The following ACACA variants were observed in gnomAD, a reference collection of about 807,000 sequenced individuals.
ACACA encodes acetyl-CoA carboxylase 1.
Under a neutral mutation model 296.1 loss-of-function variants are expected in ACACA, and 103 were observed. The ratio of observed to expected loss-of-function variants is 0.35; its 90% confidence interval spans 0.30 to 0.41. The LOEUF (loss-of-function observed/expected upper bound fraction) is 0.41, where lower values mean the gene tolerates loss of function less well. Ranked by LOEUF, ACACA falls within the 10% of genes least tolerant of loss-of-function variation. The pLI is 1.00. For synonymous variants in ACACA, 953 were observed against 1,038.6 expected, an observed-to-expected ratio of 0.92 and a Z score of 1.58; for missense variants, 1,554 against 2,989.7, an observed-to-expected ratio of 0.52 and a Z score of 11.20.
intron 54 of ACACA, 26 bp from the exon 55 acceptor site, chr17:37,089,100 ACACCAGGGGTCAGG>A (rs1320091792): frequency 6.2e-7 from 1 of 1,614,118 alleles, no homozygotes. Flanking sequence ...TCTTGGTCAA[ACACCAGGGGTCAGG>A]CCAGGCCGGG....
At chr17:37,214,510 G>T (rs948599382) in intron 29 of ACACA, among the ~76,000 whole-genome samples, 3 of 152,128 alleles carry the variant, frequency 2.0e-5, no homozygotes, top group Non-Finnish European at 2.9e-5. Flanking sequence ...ACAAAACTAC[G>T]GGGATTTACA....
At chr17:37,344,625 G>T (rs2048533724) in intron 1 of ACACA, among the ~76,000 whole-genome samples, 1 of 151,994 alleles carries the variant, frequency 6.6e-6, no homozygotes, top group South Asian at 2.1e-4. Flanking sequence ...GACCAAAAAA[G>T]AAATTAAAAA....
intron 45 of ACACA, among the ~76,000 whole-genome samples, chr17:37,137,848 T>C (rs1467566023): frequency 6.6e-6 from 1 of 152,220 alleles, no homozygotes; most frequent in African/African-American, 2.4e-5. Flanking sequence ...GCTTTATCTA[T>C]TGAGAAAGGC....
At chr17:37,164,134 T>C (rs993948335) in intron 41 of ACACA, among the ~76,000 whole-genome samples, 1 of 140,984 alleles carries the variant, frequency 7.1e-6, no homozygotes, top group African/African-American at 2.6e-5. Flanking sequence ...CAGATGAGCT[T>C]CCCTGGTCCT....
chr17:37,236,017 AATATTCTCAAGGGTCAGAATTTT>A (rs2080094961), intron 24 of ACACA, among the ~76,000 whole-genome samples: 2 of 152,212 alleles, frequency 1.3e-5, no homozygotes, highest in African/African-American at 4.8e-5. Context: ...TTAGTGTTTG[AATATTCTCAAGGGTCAGAATTTT>A]ATGAAATCAT....
chr17:37,129,341 T>C (rs746473173), intron 47 of ACACA, 24 bp downstream of exon 47: 2 of 1,613,804 alleles, frequency 1.2e-6, no homozygotes, highest in Non-Finnish European at 1.7e-6. Flanking sequence ...CCAGGTACCA[T>C]GGGGTCCTCA....
rs6607364 is a variant in ACACA at position 37,181,363 on chromosome 17, G to A, written c.4777-7C>T. The A allele has an allele frequency of 1.6e-5, 26 of 1,599,282 alleles. No homozygotes were observed. Among genetic ancestry groups the A allele is most frequent in the Middle Eastern group, 3.3e-4 (2 of 6,008 alleles). On this transcript the variant is annotated splice_region_variant and splice_polypyrimidine_tract_variant and intron_variant, in intron 39 of 55. Transcript: ENST00000616317. The stretch of plus-strand genomic sequence containing the variant: ...CATATGCCTGAAACATGATCTGCAG[G>A]AAAAAAAAATGGCATGGGGAGTTAA...
intron 1 of ACACA, among the ~76,000 whole-genome samples, chr17:37,349,495 C>A (rs896036619): frequency 8.9e-5 from 13 of 146,756 alleles, no homozygotes; most frequent in African/African-American, 2.7e-4. Context: ...TAAGATATAT[C>A]TTACATATAT....
intron 44 of ACACA, 63 bp from the exon 45 acceptor site, chr17:37,150,037 A>G: frequency 7.0e-7 from 1 of 1,435,162 alleles, no homozygotes; most frequent in Non-Finnish European, 9.8e-7. Context: ...ATAAGAACTA[A>G]GGCATAGATA....
At chr17:37,346,757 T>C (rs1197385011) in intron 1 of ACACA, among the ~76,000 whole-genome samples, 2 of 151,740 alleles carry the variant, frequency 1.3e-5, no homozygotes, top group Admixed American at 1.3e-4. Context: ...TGGAATTGCA[T>C]GGAGCCTGTA....
chr17:37,271,859 C>G (rs1368634756), intron 9 of ACACA, among the ~76,000 whole-genome samples: 1 of 151,950 alleles, frequency 6.6e-6, no homozygotes, highest in Non-Finnish European at 1.5e-5. Context: ...ATAATCCCAG[C>G]TACTCGGGAG....
In ACACA at chr17:37,343,251, T is replaced by C. The variant is rs1394497201; in HGVS notation, c.39-3401A>G. On this transcript the variant is annotated intron_variant, in intron 1 of 55. Transcript: ENST00000616317. ...CCTCAGCCTCCCAAAGTGCTGGGATTACAGGCGTGAGCCACTGTGGCCGGC... is the reference window on the plus strand; with the variant it reads ...CCTCAGCCTCCCAAAGTGCTGGGATCACAGGCGTGAGCCACTGTGGCCGGC... Among the ~76,000 whole-genome samples, 4 of 152,052 alleles carry C rather than the reference T, an allele frequency of 2.6e-5. No individual in the cohort carries two copies. The East Asian group carries it at 7.8e-4, about 30-fold the overall frequency.
At chr17:37,175,306 G>C (rs2077068308) in intron 41 of ACACA, among the ~76,000 whole-genome samples, 1 of 152,222 alleles carries the variant, frequency 6.6e-6, no homozygotes, top group South Asian at 2.1e-4. Context: ...ACAGCCCTTG[G>C]CTTGATCTTA....
chr17:37,184,265 C>T (rs2144942044), intron 39 of ACACA, among the ~76,000 whole-genome samples: 1 of 152,288 alleles, frequency 6.6e-6, no homozygotes, highest in Non-Finnish European at 1.5e-5. Flanking sequence ...TTACTCTCTC[C>T]TACTCAATAG....
intron 45 of ACACA, among the ~76,000 whole-genome samples, chr17:37,137,324 C>T (rs374786101): frequency 4.0e-4 from 61 of 152,264 alleles, no homozygotes; most frequent in East Asian, 3.7e-3. Context: ...TGCAGGGCCT[C>T]GCTCTTAGGG....
chr17:37,088,918 G>A lies in ACACA; in HGVS notation c.7028+20C>T, dbSNP rs199680656. ...AAATTAGCCCTCCTTCTCTAGTGGAGTTCCCCACGTTGGTCTCACCTGCGG... is the reference window on the plus strand; with the variant it reads ...AAATTAGCCCTCCTTCTCTAGTGGAATTCCCCACGTTGGTCTCACCTGCGG... On this transcript the variant is annotated intron_variant, in intron 55 of 55. Transcript: ENST00000616317. The A allele has an allele frequency of 1.9e-4, 305 of 1,614,024 alleles. 5 individuals carry two copies. The South Asian group carries it at 2.0e-3, about 11-fold the overall frequency.
At chr17:37,090,780 A>T (rs2072568028) in intron 54 of ACACA, among the ~76,000 whole-genome samples, 1 of 151,996 alleles carries the variant, frequency 6.6e-6, no homozygotes, top group South Asian at 2.1e-4. Context: ...TCGCCACCTA[A>T]ATTTCAACAT....
In ACACA at chr17:37,162,057, A is replaced by G; in HGVS notation, c.5080-7T>C. 4.3e-6 allele frequency: 7 copies of G among 1,614,204 alleles called. No homozygotes were observed. Among genetic ancestry groups the G allele is most frequent in the Non-Finnish European group, 5.9e-6 (7 of 1,180,028 alleles). On this transcript the variant is annotated splice_region_variant and splice_polypyrimidine_tract_variant and intron_variant, in intron 41 of 55. Transcript: ENST00000616317. ...TCCAAGCTACCATGCCAATCTGGAA[A>G]GGCATAAACAAACAAATGAACAGAA...
chr17:37,375,090 A>G (rs1284940648), intron 1 of ACACA, among the ~76,000 whole-genome samples: 1 of 152,070 alleles, frequency 6.6e-6, no homozygotes, highest in Admixed American at 6.6e-5. Context: ...GCTATTCAGG[A>G]GACTGAGGCA....
Sources: gnomAD v4.1 joint callset for allele counts (sites outside exome capture counted in the v4.1 genomes callset) on GRCh38, gnomAD v4.1.1 for gene constraint, MANE v1.5 for transcripts, NCBI Gene and HGNC (gene_info 2026-07-23, HGNC 2026-07-21) for gene names.